Variants in BCO2 observed in about 807,000 individuals in gnomAD.
BCO2 encodes carotenoid-cleaving dioxygenase, mitochondrial.
BCO2 carries 56 observed loss-of-function variants against 65.8 expected under a neutral mutation model. That is an observed-to-expected ratio of 0.85 (90% confidence interval 0.69 to 1.06). BCO2 has a LOEUF of 1.06. BCO2 is among the 50% of genes least tolerant of loss of function. BCO2 has a pLI of 0.00. For synonymous variants in BCO2, 233 were observed against 242.3 expected, an observed-to-expected ratio of 0.96 and a Z score of 0.36; for missense variants, 675 against 698.5, an observed-to-expected ratio of 0.97 and a Z score of 0.38.
At chr11:112,176,249 A>G (rs1866876645) in intron 1 of BCO2, 1 of 153,176 alleles carries the variant, frequency 6.5e-6, no homozygotes, top group Admixed American at 6.5e-5. Context: ...ACGTACTGGA[A>G]GGAGAGAGGA....
At chr11:112,187,044 T>TA (rs1867220677) in intron 2 of BCO2, among the ~76,000 whole-genome samples, 3 of 152,266 alleles carry the variant, frequency 2.0e-5, no homozygotes, top group Admixed American at 1.3e-4. Flanking sequence ...ACTTGGAACT[T>TA]ACTATACAGA....
chr11:112,175,757 C>A, intron 1 of BCO2, 68 bp downstream of exon 1: 1 of 1,383,230 alleles, frequency 7.2e-7, no homozygotes, highest in Non-Finnish European at 1.0e-6. Context: ...GAATTCTGTG[C>A]CTCTTTCCTG....
chr11:112,179,637 G>A (rs1273859895), intron 2 of BCO2, 155 bp downstream of exon 2: 1 of 712,256 alleles, frequency 1.4e-6, no homozygotes, highest in South Asian at 1.9e-5. Context: ...GAAGAAAGGA[G>A]ACTTTTTAAA....
At chr11:112,176,846 A>G (rs1037335545) in intron 1 of BCO2, among the ~76,000 whole-genome samples, 1 of 152,220 alleles carries the variant, frequency 6.6e-6, no homozygotes, top group East Asian at 1.9e-4. Flanking sequence ...GTCAGCTAAT[A>G]AGTAATAAAA....
At chr11:112,189,680 G>A (rs1180412335) in intron 2 of BCO2, among the ~76,000 whole-genome samples, 3 of 152,116 alleles carry the variant, frequency 2.0e-5, no homozygotes, top group East Asian at 3.9e-4. Flanking sequence ...GGGATTACAG[G>A]CGTAAGCCAC....
chr11:112,188,761 T>TC (rs762432550), intron 2 of BCO2, among the ~76,000 whole-genome samples: 27 of 151,636 alleles, frequency 1.8e-4, no homozygotes, highest in Non-Finnish European at 3.7e-4. Context: ...AAATAGCTTT[T>TC]TTTTTTTTTA....
chr11:112,199,057 C>T (rs555360703), intron 5 of BCO2, among the ~76,000 whole-genome samples: 1 of 152,172 alleles, frequency 6.6e-6, no homozygotes, highest in East Asian at 1.9e-4. Context: ...TTGCTGCATC[C>T]ATCAACCTGT....
chr11:112,192,531 C>T (rs10891337), intron 2 of BCO2, among the ~76,000 whole-genome samples: 34,757 of 151,816 alleles, frequency 0.23, 4,089 homozygotes, highest in Middle Eastern at 0.27. Flanking sequence ...AAATGATTAT[C>T]TAGGAAGGAC....
chr11:112,193,465 T>C lies in BCO2; in HGVS notation c.294-9T>C. ...TTACTGATATTTATTTATTTTCTCC[T>C]GTTTGAAGGTACAATCATTGGTTTG... On this transcript the variant is annotated splice_polypyrimidine_tract_variant and intron_variant, in intron 2 of 11. Transcript: ENST00000357685. 6.2e-7 allele frequency: 1 copy of C among 1,611,018 alleles called. No individual in the cohort carries two copies. The highest frequency in any genetic ancestry group is 2.2e-5 in the East Asian group (1 of 44,868).
chr11:112,193,639 A>T lies in BCO2; in HGVS notation c.459A>T (p.Pro153=). ...SEFGTLALPD[P]CKNVFERFMS... is the part of the protein sequence containing the mutation. ...TTGGCACACTGGCTCTCCCGGATCC[A>T]TGCAAGAATGTTTTTGAACGTTTCA... Residue 153 remains proline (P), a synonymous_variant, in exon 3 of 12, where the codon CCA becomes CCT. Transcript: ENST00000357685. The T allele has an allele frequency of 6.2e-7, 1 of 1,614,214 alleles. No individual in the cohort carries two copies. Among genetic ancestry groups the T allele is most frequent in the Non-Finnish European group, 8.5e-7 (1 of 1,180,026 alleles).
chr11:112,204,829 T>C (rs1867827072), intron 8 of BCO2, among the ~76,000 whole-genome samples: 1 of 152,042 alleles, frequency 6.6e-6, no homozygotes, highest in Non-Finnish European at 1.5e-5. Flanking sequence ...TCTGCCACCA[T>C]GCCCGTTGTA....
chr11:112,207,301 C>G (rs1348636063), intron 8 of BCO2, among the ~76,000 whole-genome samples: 3 of 152,156 alleles, frequency 2.0e-5, no homozygotes, highest in Non-Finnish European at 4.4e-5. Context: ...ATTTTTCTAG[C>G]TATCTTTATC....
Position 112,216,313 on chromosome 11 carries a change from G to A in BCO2, c.1609G>A (p.Val537Met), listed in dbSNP as rs1859677189. 2 of 1,613,630 alleles carry A rather than the reference G, an allele frequency of 1.2e-6. No individual in the cohort carries two copies. Among genetic ancestry groups the A allele is most frequent in the Middle Eastern group, 1.6e-4 (1 of 6,062 alleles). Residue 537 changes from valine (V) to methionine (M), a missense_variant, in exon 11 of 12, where the codon GTG becomes ATG. Transcript: ENST00000357685. ...EEDGGVILSV[V>M]ITPNQNESNF... Reference sequence around the variant, plus strand: ...AGATGGTGGGGTTATTCTTTCTGTGGTGATCACTCCCAACCAGGTAAATAT... The same window carrying A: ...AGATGGTGGGGTTATTCTTTCTGTGATGATCACTCCCAACCAGGTAAATAT...
chr11:112,175,830 CAG>C, intron 1 of BCO2, 141 bp downstream of exon 1: 1 of 656,188 alleles, frequency 1.5e-6, no homozygotes, highest in Non-Finnish European at 2.7e-6. Context: ...AGCAATTCCG[CAG>C]AGTCCTGGAA....
In BCO2 at chr11:112,216,399, C is replaced by T. The variant is rs1410831362; in HGVS notation, c.1626+69C>T. Reference sequence around the variant, plus strand: ...TGAGTCATCTGATAAATCAAGGATGCACACTCATCTGTCGATAGTTTACTT... The same window carrying T: ...TGAGTCATCTGATAAATCAAGGATGTACACTCATCTGTCGATAGTTTACTT... On this transcript the variant is annotated intron_variant, in intron 11 of 11. Transcript: ENST00000357685. 6.3e-6 allele frequency: 7 copies of T among 1,107,240 alleles called. 1 individual carries two copies. The Admixed American group carries it at 7.1e-5, about 11-fold the overall frequency. The allele number at this position is 1,107,240 out of a possible 1,614,324, so 68.6% of individuals were successfully genotyped here. A position where few individuals can be genotyped will look rare whatever the true frequency, so the allele number is the denominator to read the frequency against.
Position 112,202,208 on chromosome 11 carries a change from T to C in BCO2, c.1194+18T>C. ...TTGATCAGGTAAACATTAGAATTTGTCAAGAGTCATCAAAATAATTTTGAA... is the reference window on the plus strand; with the variant it reads ...TTGATCAGGTAAACATTAGAATTTGCCAAGAGTCATCAAAATAATTTTGAA... On this transcript the variant is annotated intron_variant, in intron 8 of 11. Transcript: ENST00000357685. 1.3e-6 allele frequency: 2 copies of C among 1,584,668 alleles called. No individual in the cohort carries two copies. The highest frequency in any genetic ancestry group is 1.7e-6 in the Non-Finnish European group (2 of 1,169,368).
chr11:112,200,835 A>G (rs1345783189), intron 7 of BCO2, 62 bp downstream of exon 7: 1 of 1,572,466 alleles, frequency 6.4e-7, no homozygotes, highest in Non-Finnish European at 8.6e-7. Flanking sequence ...ATTTCCATAT[A>G]GTTGATTTTT....
rs1411790686 is a variant in BCO2 at position 112,193,474 on chromosome 11, G to T, written c.294G>T (p.Lys98Asn). 2 of 1,613,194 alleles carry T rather than the reference G, an allele frequency of 1.2e-6. No individual in the cohort carries two copies. The highest frequency in any genetic ancestry group is 2.7e-5 in the African/African-American group (2 of 74,822). Residue 98 changes from lysine to asparagine, a missense_variant and splice_region_variant, in exon 3 of 12, where the codon AAG becomes AAT. Transcript: ENST00000357685. ...GPGKFEFGKD[K>N]YNHWFDGMAL... ...TTTATTTATTTTCTCCTGTTTGAAGGTACAATCATTGGTTTGATGGGATGG... is the reference window on the plus strand; with the variant it reads ...TTTATTTATTTTCTCCTGTTTGAAGTTACAATCATTGGTTTGATGGGATGG...
At chr11:112,181,274 C>T (rs1228535567) in intron 2 of BCO2, 21 of 576,720 alleles carry the variant, frequency 3.6e-5, no homozygotes, top group African/African-American at 2.5e-4. Context: ...CTCCGCCTCC[C>T]GGGTTCACGC....
Sources: allele counts gnomAD v4.1 joint callset (sites outside exome capture counted in the v4.1 genomes callset), GRCh38; gene constraint gnomAD v4.1.1; transcripts MANE v1.5; gene names NCBI Gene and HGNC (gene_info 2026-07-23, HGNC 2026-07-21).